PTK2: variants seen among roughly 807,000 people sequenced by gnomAD.
PTK2 encodes protein tyrosine kinase 2.
A neutral mutation model predicts 150.1 loss-of-function variants in PTK2; 45 were observed. That is an observed-to-expected ratio of 0.30 (90% CI 0.24 to 0.38). The LOEUF (loss-of-function observed/expected upper bound fraction) is 0.38, where lower values mean the gene tolerates loss of function less well. Among genes scored for constraint, PTK2 ranks in the 10% least tolerant of loss-of-function variants. The probability of loss-of-function intolerance (pLI) is 1.00; values close to 1 mark genes in which losing one functional copy is unlikely to be tolerated. For missense variants in PTK2, 919 were observed against 1,307.3 expected (o/e 0.70, Z 4.58); for synonymous variants, 432 against 449.2 (o/e 0.96, Z 0.48).
intron 1 of PTK2, among the ~76,000 whole-genome samples, chr8:140,956,062 T>A (rs1456095647): frequency 6.6e-6 from 1 of 152,226 alleles, no homozygotes; most frequent in Non-Finnish European, 1.5e-5. Context: ...CTACGCCCTA[T>A]GCACTTTCCT....
intron 26 of PTK2, among the ~76,000 whole-genome samples, chr8:140,694,513 A>G (rs562721218): frequency 1.8e-4 from 28 of 152,252 alleles, no homozygotes; most frequent in African/African-American, 5.1e-4. Context: ...TGGCCCTTCC[A>G]TGCAGTCTGA....
chr8:140,668,375 G>A (rs760973444), exon 30 of PTK2: 7 of 1,613,808 alleles, frequency 4.3e-6, no homozygotes, highest in Non-Finnish European at 5.1e-6. Context: ...CTTATCATTC[G>A]ACCGGTCCAG....
intron 5 of PTK2, among the ~76,000 whole-genome samples, chr8:140,858,538 C>A (rs1197078849): frequency 1.3e-5 from 2 of 151,844 alleles, no homozygotes; most frequent in Non-Finnish European, 2.9e-5. Context: ...ACAGAAAAGA[C>A]AGGTCACCTA....
chr8:140,686,157 A>G (rs2100019662), intron 27 of PTK2, among the ~76,000 whole-genome samples: 1 of 152,212 alleles, frequency 6.6e-6, no homozygotes, highest in Admixed American at 6.5e-5. Flanking sequence ...CCAATACCAC[A>G]TGTTCTCACT....
chr8:140,836,316 C>T lies in PTK2; in HGVS notation c.594-5790G>A, dbSNP rs79596305. Among the ~76,000 whole-genome samples the T allele has an allele frequency of 2.4e-3, 372 of 152,206 alleles. 2 individuals carry two copies. Among genetic ancestry groups the T allele is most frequent in the African/African-American group, 8.6e-3 (355 of 41,516 alleles). On this transcript the variant is annotated intron_variant, in intron 7 of 31. Coordinates refer to ENST00000522684, the Ensembl canonical transcript of PTK2. ...GTTAAGTGAAGACTTACTGTATACA[C>T]GTTTGTGTCCTTGAAAAGAAAAAGA...
chr8:140,997,189 T>C (rs1373599036), intron 1 of PTK2, among the ~76,000 whole-genome samples: 1 of 152,250 alleles, frequency 6.6e-6, no homozygotes, highest in Non-Finnish European at 1.5e-5. Flanking sequence ...ATGATGTGAC[T>C]GAATTGCTGC....
At chr8:140,708,995 C>G (rs11787221) in intron 23 of PTK2, among the ~76,000 whole-genome samples, 58,969 of 150,684 alleles carry the variant, frequency 0.39, 12,847 homozygotes, top group Non-Finnish European at 0.5. Context: ...TTACAATTTA[C>G]TGTGTATTCT....
rs376966953 is a variant in PTK2 at position 140,784,057 on chromosome 8, GGAGGCA to G, written c.1177+5411_1177+5416del. 4.5e-3 allele frequency among the ~76,000 whole-genome samples: 689 copies of G among 152,218 alleles called. 3 individuals are homozygous for G. The highest frequency in any genetic ancestry group is 0.016 in the African/African-American group (650 of 41,514). ...GCACAACTGTAGTCCCACCTACTCGGGAGGCAGAGGCAGAGGCAGGAGGCTTGAACC... is the reference window on the plus strand; with the variant it reads ...GCACAACTGTAGTCCCACCTACTCGGGAGGCAGAGGCAGGAGGCTTGAACC... On this transcript the variant is annotated intron_variant, in intron 14 of 31. Coordinates refer to ENST00000522684, the Ensembl canonical transcript of PTK2.
intron 8 of PTK2, 24 bp downstream of exon 8, chr8:140,830,448 T>G (rs1416435708): frequency 6.8e-7 from 1 of 1,460,828 alleles, no homozygotes; most frequent in Non-Finnish European, 9.3e-7. Context: ...GTTATTTTAT[T>G]ATGATAAAGG....
intron 7 of PTK2, among the ~76,000 whole-genome samples, chr8:140,842,136 A>G (rs534907546): frequency 6.6e-6 from 1 of 152,230 alleles, no homozygotes; most frequent in African/African-American, 2.4e-5. Context: ...TAAAACAGAG[A>G]GCTATAAGGA....
At chr8:140,992,952 A>G (rs1309173114) in intron 1 of PTK2, among the ~76,000 whole-genome samples, 8 of 152,196 alleles carry the variant, frequency 5.3e-5, no homozygotes, top group African/African-American at 1.9e-4. Context: ...TAAAGCATCC[A>G]ATTAATCCAG....
intron 8 of PTK2, among the ~76,000 whole-genome samples, chr8:140,826,921 A>C (rs1004424608): frequency 6.6e-6 from 1 of 152,100 alleles, no homozygotes; most frequent in Non-Finnish European, 1.5e-5. Flanking sequence ...CTGTCTCTAA[A>C]AAAAAGGAAA....
intron 12 of PTK2, 123 bp downstream of exon 12, chr8:140,800,336 T>C: frequency 1.2e-6 from 1 of 817,516 alleles, no homozygotes; most frequent in Non-Finnish European, 2.1e-6. Context: ...TATACTGAGC[T>C]GAATTATTCA....
chr8:140,842,690 C>G (rs1567375513), intron 7 of PTK2, among the ~76,000 whole-genome samples: 1 of 152,188 alleles, frequency 6.6e-6, no homozygotes, highest in East Asian at 1.9e-4. Context: ...TGAATTCACA[C>G]AAGTTGTATA....
At chr8:140,883,099 T>TA (rs1296169102) in intron 3 of PTK2, among the ~76,000 whole-genome samples, 1 of 152,232 alleles carries the variant, frequency 6.6e-6, no homozygotes, top group East Asian at 1.9e-4. Flanking sequence ...TTTAGCCACT[T>TA]ACCTTTTAGA....
intron 10 of PTK2, among the ~76,000 whole-genome samples, chr8:140,807,874 G>C (rs1434701323): frequency 2.0e-5 from 3 of 152,300 alleles, no homozygotes; most frequent in Non-Finnish European, 4.4e-5. Flanking sequence ...GTCAAGTAAA[G>C]TAGATGAGGA....
intron 1 of PTK2, among the ~76,000 whole-genome samples, chr8:140,955,901 C>T (rs921948478): frequency 3.9e-5 from 6 of 152,178 alleles, no homozygotes; most frequent in African/African-American, 1.4e-4. Context: ...CAGCTAAAGC[C>T]TCAACACCAT....
chr8:140,786,443 G>A (rs541626379), intron 14 of PTK2, among the ~76,000 whole-genome samples: 2 of 152,184 alleles, frequency 1.3e-5, no homozygotes, highest in African/African-American at 4.8e-5. Context: ...TCTAGGTATC[G>A]GCTTAACAAA....
intron 20 of PTK2, among the ~76,000 whole-genome samples, chr8:140,742,147 A>G (rs1268672700): frequency 6.6e-6 from 1 of 152,188 alleles, no homozygotes; most frequent in African/African-American, 2.4e-5. Context: ...AAACAAGCAA[A>G]CAAACAAAAA....
Sources: allele counts gnomAD v4.1 joint callset (sites outside exome capture counted in the v4.1 genomes callset), GRCh38; gene constraint gnomAD v4.1.1; transcripts MANE v1.5; gene names NCBI Gene and HGNC (gene_info 2026-07-23, HGNC 2026-07-21).